The following SH3BP5 variants were observed in gnomAD, a reference collection of about 807,000 sequenced individuals.
SH3BP5 encodes the protein SH3 domain binding protein 5, also known as SH3 domain-binding protein 5.
In SH3BP5, 22 loss-of-function variants were observed where a neutral mutation model predicts 43.3. The observed-to-expected ratio is 0.51, with a 90% CI of 0.36 to 0.73. The LOEUF is 0.73. SH3BP5 is among the 30% of genes least tolerant of loss of function. The pLI is 0.00. For missense variants in SH3BP5, 529 were observed against 586.9 expected (o/e 0.90, Z 1.02); for synonymous variants, 255 against 225.8 (o/e 1.13, Z -1.16).
At chr3:15,294,077 C>CAAAAAAA (rs111324706) in intron 3 of SH3BP5, among the ~76,000 whole-genome samples, 5 of 70,902 alleles carry the variant, frequency 7.1e-5, no homozygotes, top group African/African-American at 2.1e-4. Context: ...GTCTCCATCT[C>CAAAAAAA]AAAAAAAAAA....
rs182490089 is a variant in SH3BP5 at position 15,306,215 on chromosome 3, C to G, written c.202-1984G>C. 6.3e-3 allele frequency among the ~76,000 whole-genome samples: 962 copies of G among 152,150 alleles called. 10 individuals are homozygous for G. Among genetic ancestry groups the G allele is most frequent in the African/African-American group, 0.022 (897 of 41,496 alleles). On this transcript the variant is annotated intron_variant, in intron 2 of 8. Coordinates refer to ENST00000383791, the MANE Select transcript of SH3BP5 (RefSeq NM_004844.5). ...ACTAAAAATACAAAAAAAAATTAGC[C>G]AGGTATGGTGGTGGGCACCTGTAGT...
intron 4 of SH3BP5, among the ~76,000 whole-genome samples, chr3:15,265,564 C>A (rs1696616366): frequency 2.7e-5 from 2 of 75,258 alleles, no homozygotes; most frequent in Admixed American, 1.4e-4. Flanking sequence ...ACACACAACC[C>A]TCCAGCTCCT....
intron 3 of SH3BP5, among the ~76,000 whole-genome samples, chr3:15,270,531 C>T (rs952213020): frequency 9.8e-5 from 15 of 152,320 alleles, no homozygotes; most frequent in Non-Finnish European, 1.3e-4. Context: ...TAACACAACA[C>T]GGTCCCTGCT....
chr3:15,318,666 G>A (rs375020631), intron 2 of SH3BP5, among the ~76,000 whole-genome samples: 1 of 151,930 alleles, frequency 6.6e-6, no homozygotes, highest in Admixed American at 6.6e-5. Flanking sequence ...AGGTTCAAAC[G>A]ATTCTTGTGC....
intron 3 of SH3BP5, among the ~76,000 whole-genome samples, chr3:15,295,582 G>A (rs1008866875): frequency 7.2e-5 from 11 of 152,170 alleles, no homozygotes; most frequent in Admixed American, 6.5e-5. Flanking sequence ...AAATGCTTGC[G>A]TTAGATGAGC....
At position 15,262,423 on chromosome 3, in the gene SH3BP5, G is replaced by A. The variant is rs559062919; in HGVS notation, c.496-134C>T. The A allele has an allele frequency of 4.1e-4, 436 of 1,073,096 alleles. 3 individuals are homozygous for A. The African/African-American group carries it at 6.2e-3, about 15-fold the overall frequency. 66.5% of individuals were successfully genotyped at this position (1,073,096 alleles called of 1,614,324 possible). A position where few individuals can be genotyped will look rare whatever the true frequency, so the allele number is the denominator to read the frequency against. ...ATGTGTAATCCCAGCACTTTGGGAG[G>A]CCAAGGTGGGTGGATCACGAGGTCA... On this transcript the variant is annotated intron_variant, in intron 4 of 8. Coordinates refer to ENST00000383791, the MANE Select transcript of SH3BP5 (RefSeq NM_004844.5).
chr3:15,274,090 A>G lies in SH3BP5; in HGVS notation c.331-4213T>C, dbSNP rs141233654. Among the ~76,000 whole-genome samples the G allele has an allele frequency of 6.6e-3, 1,005 of 151,524 alleles. 12 individuals carry two copies. The highest frequency in any genetic ancestry group is 0.01 in the Non-Finnish European group (711 of 67,978). ...GAAACACCGTCTCTACTAAAAATAC[A>G]AAAAAATTAGCTGGGTGTGGTGGCA... On this transcript the variant is annotated intron_variant, in intron 3 of 8. Transcript: ENST00000383791.
intron 2 of SH3BP5, among the ~76,000 whole-genome samples, chr3:15,310,034 C>G (rs1347534044): frequency 1.3e-5 from 2 of 152,064 alleles, no homozygotes; most frequent in Non-Finnish European, 2.9e-5. Context: ...CCTGTCTCCC[C>G]AGTGTTACAG....
intron 2 of SH3BP5, among the ~76,000 whole-genome samples, chr3:15,324,939 A>C (rs945827474): frequency 2.0e-5 from 3 of 152,098 alleles, no homozygotes; most frequent in Non-Finnish European, 4.4e-5. Flanking sequence ...GTGCTGGCTT[A>C]AGCATGTTTG....
At chr3:15,310,428 T>G (rs1458281083) in intron 2 of SH3BP5, among the ~76,000 whole-genome samples, 1 of 152,254 alleles carries the variant, frequency 6.6e-6, no homozygotes, top group African/African-American at 2.4e-5. Flanking sequence ...CTTTCTGTCT[T>G]GTTTCTTAAA....
intron 2 of SH3BP5, among the ~76,000 whole-genome samples, chr3:15,316,966 G>T (rs987644370): frequency 6.6e-5 from 10 of 152,208 alleles, no homozygotes; most frequent in Non-Finnish European, 1.5e-4. Context: ...AAATCCACAG[G>T]ATTCTTTGTG....
chr3:15,308,577 C>T (rs1487363716), intron 2 of SH3BP5, among the ~76,000 whole-genome samples: 2 of 152,130 alleles, frequency 1.3e-5, no homozygotes, highest in African/African-American at 2.4e-5. Flanking sequence ...CCCTCCAGCA[C>T]GGACGGACGG....
intron 3 of SH3BP5, among the ~76,000 whole-genome samples, chr3:15,291,747 C>A (rs1697418831): frequency 6.6e-6 from 1 of 152,194 alleles, no homozygotes; most frequent in African/African-American, 2.4e-5. Context: ...AGGTTGGAAG[C>A]AGGGTATTCC....
intron 2 of SH3BP5, among the ~76,000 whole-genome samples, chr3:15,326,776 A>G (rs1698473683): frequency 8.9e-6 from 1 of 112,068 alleles, no homozygotes; most frequent in Admixed American, 1.0e-4. Context: ...TTTTGCTGTT[A>G]AAATGGCCCA....
chr3:15,328,550 C>T (rs1241057073), intron 2 of SH3BP5, among the ~76,000 whole-genome samples: 2 of 152,080 alleles, frequency 1.3e-5, no homozygotes, highest in African/African-American at 4.8e-5. Flanking sequence ...GTCAACAGAG[C>T]TAGATCCCAT....
chr3:15,280,376 A>G (rs917709534), intron 3 of SH3BP5, among the ~76,000 whole-genome samples: 24 of 152,102 alleles, frequency 1.6e-4, no homozygotes, highest in Admixed American at 7.2e-4. Flanking sequence ...AGCAGTACCC[A>G]AAAGGAAAAA....
intron 3 of SH3BP5, among the ~76,000 whole-genome samples, chr3:15,303,633 C>T (rs1409424597): frequency 6.6e-6 from 1 of 151,390 alleles, no homozygotes; most frequent in Non-Finnish European, 1.5e-5. Context: ...GGACGATGGC[C>T]ACGGAAGTCA....
At position 15,255,779 on chromosome 3, in the gene SH3BP5, C is replaced by T. The variant is rs559603816; in HGVS notation, c.*307G>A. On this transcript the variant is annotated 3_prime_UTR_variant, in exon 9 of 9. Coordinates refer to ENST00000383791, the MANE Select transcript of SH3BP5 (RefSeq NM_004844.5). ...CCCCACTTTGGCCTGGCTTCCCAGC[C>T]ATCTTCCCAGCTCTGGTTCTTTCAT... 11 of 237,784 alleles carry T rather than the reference C, an allele frequency of 4.6e-5. No homozygotes were observed. In the South Asian group the frequency reaches 1.2e-3, roughly 25 times the overall value. The allele number at this position is 237,784 out of a possible 1,614,324, so 14.7% of individuals were successfully genotyped here. A position where few individuals can be genotyped will look rare whatever the true frequency, so the allele number is the denominator to read the frequency against.
intron 2 of SH3BP5, among the ~76,000 whole-genome samples, chr3:15,322,300 T>A (rs1043650177): frequency 5.9e-5 from 9 of 152,284 alleles, no homozygotes; most frequent in African/African-American, 2.2e-4. Flanking sequence ...TAGTTTTATA[T>A]ATATTTTATG....
Sources: gnomAD v4.1 joint callset for allele counts (sites outside exome capture counted in the v4.1 genomes callset) on GRCh38, gnomAD v4.1.1 for gene constraint, MANE v1.5 for transcripts, NCBI Gene and HGNC (gene_info 2026-07-23, HGNC 2026-07-21) for gene names.